LMO7: variants seen among roughly 807,000 people sequenced by gnomAD.
LMO7 encodes the protein LIM domain only protein 7.
Under a neutral mutation model 206.5 loss-of-function variants are expected in LMO7, and 120 were observed. The ratio of observed to expected loss-of-function variants is 0.58; its 90% CI spans 0.50 to 0.68. The LOEUF (loss-of-function observed/expected upper bound fraction) is 0.68. Ranked by LOEUF, LMO7 falls within the 30% of genes least tolerant of loss-of-function variation. The probability of loss-of-function intolerance (pLI) is 0.00; values close to 1 mark genes in which losing one functional copy is unlikely to be tolerated. For missense variants in LMO7, 1,959 were observed against 1,957.9 expected, an observed-to-expected ratio of 1.00 and a Z score of -0.01; for synonymous variants, 706 against 681.5, an observed-to-expected ratio of 1.04 and a Z score of -0.56.
chr13:75,755,851 G>A (rs770186798), intron 3 of LMO7, among the ~76,000 whole-genome samples: 2 of 152,162 alleles, frequency 1.3e-5, no homozygotes, highest in Admixed American at 6.5e-5. Flanking sequence ...TTCTTCTAGT[G>A]AGGTGACCTA....
At chr13:75,848,477 C>A (rs986428014) in intron 26 of LMO7, among the ~76,000 whole-genome samples, 1 of 106,832 alleles carries the variant, frequency 9.4e-6, no homozygotes, top group African/African-American at 3.3e-5. Flanking sequence ...CTAACTATCT[C>A]ACATTCTCTT....
rs1236850043 is a variant in LMO7, at chr13:75,737,789, A to AAAAAC, written c.210+10695_210+10696insCAAAA. Among the ~76,000 whole-genome samples, 446 of 129,896 alleles carry AAAAAC rather than the reference A, an allele frequency of 3.4e-3. 19 individuals are homozygous for AAAAAC. The highest frequency in any genetic ancestry group is 0.013 in the African/African-American group (407 of 31,748). The allele number at this position is 129,896 out of a possible 152,430, so 85.2% of individuals were successfully genotyped here. A position where few individuals can be genotyped will look rare whatever the true frequency, so the allele number is the denominator to read the frequency against. On this transcript the variant is annotated intron_variant, in intron 3 of 30. Transcript: ENST00000377534. ...AAATAAAATAAAATAAAATAAAAAAAAAAAAAAAAAAACTTTTTACTTTGA... is the reference window on the plus strand; with the variant it reads ...AAATAAAATAAAATAAAATAAAAAAAAAAACAAAAAAAAAAAACTTTTTACTTTGA...
chr13:75,769,482 TA>T (rs201838761), intron 4 of LMO7, among the ~76,000 whole-genome samples: 8 of 151,024 alleles, frequency 5.3e-5, no homozygotes, highest in African/African-American at 1.2e-4. Flanking sequence ...AACTTTTAAT[TA>T]AAAAAAAACG....
chr13:75,807,963 A>C lies in LMO7; in HGVS notation c.1680A>C (p.Val560=). ...AAATTCAAGCAAAATTTCTCTGTGT[A>C]CTTGAAAGGACATGCCCATCCAAAG... is the stretch of plus-strand genomic sequence containing the variant. ...PPEIQAKFLC[V]LERTCPSKEK... Residue 560 remains valine, a synonymous_variant, in exon 10 of 31, where the codon GTA becomes GTC. Transcript: ENST00000377534. The C allele has an allele frequency of 1.2e-6, 2 of 1,613,944 alleles. No homozygotes were observed. The highest frequency in any genetic ancestry group is 1.7e-6 in the Non-Finnish European group (2 of 1,179,882).
At chr13:75,673,822 A>T (rs2139413205) in intron 1 of LMO7, among the ~76,000 whole-genome samples, 1 of 152,366 alleles carries the variant, frequency 6.6e-6, no homozygotes, top group South Asian at 2.1e-4. Flanking sequence ...ACAGAAAAAT[A>T]ATAGCCACTC....
At chr13:75,815,083 T>C (rs532946048) in intron 11 of LMO7, among the ~76,000 whole-genome samples, 183 of 152,126 alleles carry the variant, frequency 1.2e-3, no homozygotes, top group African/African-American at 4.3e-3. Flanking sequence ...CTGAGTGCAG[T>C]CTGAAAGGAA....
At chr13:75,693,228 CCTT>C (rs1475187004) in intron 1 of LMO7, among the ~76,000 whole-genome samples, 1 of 152,140 alleles carries the variant, frequency 6.6e-6, no homozygotes, top group African/African-American at 2.4e-5. Context: ...AATCCATCAT[CCTT>C]CTTATTCATG....
At chr13:75,819,268 C>A in intron 12 of LMO7, 125 bp from the exon 13 acceptor site, 2 of 1,169,818 alleles carry the variant, frequency 1.7e-6, no homozygotes, top group Non-Finnish European at 2.3e-6. Flanking sequence ...AAAATTAGGG[C>A]ACCTTGGCAT....
At chr13:75,826,831 T>C (rs1414998921) in intron 15 of LMO7, among the ~76,000 whole-genome samples, 1 of 152,202 alleles carries the variant, frequency 6.6e-6, no homozygotes, top group African/African-American at 2.4e-5. Context: ...AGTATCATGT[T>C]ATGCTATCAT....
At chr13:75,753,103 C>T (rs2047399480) in intron 3 of LMO7, among the ~76,000 whole-genome samples, 1 of 152,136 alleles carries the variant, frequency 6.6e-6, no homozygotes, top group Non-Finnish European at 1.5e-5. Flanking sequence ...CTGTCATTTT[C>T]TGTCTTTTTA....
chr13:75,764,472 G>A lies in LMO7; in HGVS notation c.317+3434G>A, dbSNP rs80092555. 3.4e-3 allele frequency among the ~76,000 whole-genome samples: 521 copies of A among 152,182 alleles called. 5 individuals are homozygous for A. Among genetic ancestry groups the A allele is most frequent in the African/African-American group, 0.012 (489 of 41,526 alleles). On this transcript the variant is annotated intron_variant, in intron 4 of 30. Transcript: ENST00000377534. ...ACACTGGAGAGCTCCTCTGGCAAGC[G>A]TCATGGTCTTTGTGGTGGCATCTGG...
chr13:75,722,858 G>A (rs2044141741), intron 2 of LMO7, among the ~76,000 whole-genome samples: 1 of 152,168 alleles, frequency 6.6e-6, no homozygotes, highest in African/African-American at 2.4e-5. Flanking sequence ...GAACGAAATG[G>A]CATTTGCAGC....
At chr13:75,696,782 G>T (rs1169357231) in intron 1 of LMO7, among the ~76,000 whole-genome samples, 9 of 152,082 alleles carry the variant, frequency 5.9e-5, no homozygotes, top group Admixed American at 5.9e-4. Context: ...AAACAAAAAA[G>T]CCCATGTATT....
At chr13:75,641,772 A>G (rs1226845779) in intron 1 of LMO7, among the ~76,000 whole-genome samples, 1 of 151,710 alleles carries the variant, frequency 6.6e-6, no homozygotes, top group Non-Finnish European at 1.5e-5. Flanking sequence ...CTCCTGTCTC[A>G]GCCTCCCGAG....
At chr13:75,765,530 G>A (rs1326086352) in intron 4 of LMO7, among the ~76,000 whole-genome samples, 1 of 151,922 alleles carries the variant, frequency 6.6e-6, no homozygotes, top group Non-Finnish European at 1.5e-5. Flanking sequence ...TTATTGCATT[G>A]TATATGTCTC....
At chr13:75,849,051 C>A in intron 26 of LMO7, 28 bp from the exon 27 acceptor site, 3 of 1,401,700 alleles carry the variant, frequency 2.1e-6, no homozygotes, top group East Asian at 2.4e-5. Flanking sequence ...GTACTAATCC[C>A]AAAGCTTTTG....
intron 3 of LMO7, among the ~76,000 whole-genome samples, chr13:75,749,602 T>C (rs974005339): frequency 6.6e-6 from 1 of 152,196 alleles, no homozygotes; most frequent in African/African-American, 2.4e-5. Context: ...GCTGCTGCCC[T>C]AACTTGCCAG....
intron 15 of LMO7, among the ~76,000 whole-genome samples, chr13:75,829,245 G>C (rs999540976): frequency 7.9e-5 from 12 of 152,280 alleles, no homozygotes; most frequent in Admixed American, 6.5e-4. Flanking sequence ...AAAAAGGCTG[G>C]AGAAAGTGAG....
intron 3 of LMO7, among the ~76,000 whole-genome samples, chr13:75,732,693 G>T (rs989114966): frequency 6.6e-6 from 1 of 152,312 alleles, no homozygotes; most frequent in Non-Finnish European, 1.5e-5. Context: ...TGGAGGAGGA[G>T]AGGCGCTCTG....
Sources: allele counts gnomAD v4.1 joint callset (sites outside exome capture counted in the v4.1 genomes callset), GRCh38; gene constraint gnomAD v4.1.1; transcripts MANE v1.5; gene names NCBI Gene and HGNC (gene_info 2026-07-23, HGNC 2026-07-21).